FRMD4A: variants seen among roughly 807,000 people sequenced by gnomAD.
The protein encoded by FRMD4A is FERM domain-containing protein 4A.
FRMD4A carries 29 observed loss-of-function variants against 129.1 expected under a neutral mutation model. That is an observed-to-expected ratio of 0.22 (90% confidence interval 0.17 to 0.31). FRMD4A has a LOEUF of 0.31. Among genes scored for constraint, FRMD4A ranks in the 10% least tolerant of loss-of-function variants. The probability of loss-of-function intolerance (pLI) is 1.00; values close to 1 mark genes in which losing one functional copy is unlikely to be tolerated. For missense variants in FRMD4A, 1,272 were observed against 1,375.8 expected, an observed-to-expected ratio of 0.92 and a Z score of 1.19; for synonymous variants, 634 against 571.6, an observed-to-expected ratio of 1.11 and a Z score of -1.56.
At chr10:14,021,383 A>G (rs1832738928) in intron 2 of FRMD4A, among the ~76,000 whole-genome samples, 1 of 127,544 alleles carries the variant, frequency 7.8e-6, no homozygotes, top group Admixed American at 7.6e-5. Context: ...CTCCACAAAA[A>G]TAAAAAAAAA....
intron 4 of FRMD4A, among the ~76,000 whole-genome samples, chr10:13,808,246 C>T (rs2093389655): frequency 6.6e-6 from 1 of 152,148 alleles, no homozygotes; most frequent in Admixed American, 6.5e-5. Context: ...TGTGATACAC[C>T]ACAGGCTGTC....
intron 2 of FRMD4A, among the ~76,000 whole-genome samples, chr10:14,157,457 G>A (rs149968698): frequency 3.4e-3 from 520 of 152,310 alleles, no homozygotes; most frequent in Non-Finnish European, 5.3e-3. Context: ...CTTAGTGGCT[G>A]TTGAGCCTTC....
intron 2 of FRMD4A, among the ~76,000 whole-genome samples, chr10:14,053,088 C>T (rs962663277): frequency 2.0e-5 from 3 of 152,168 alleles, no homozygotes; most frequent in Admixed American, 1.3e-4. Flanking sequence ...CCTAAGTGCT[C>T]CCAGACTACG....
chr10:13,849,484 T>TC (rs202246182), intron 3 of FRMD4A, among the ~76,000 whole-genome samples: 4 of 37,202 alleles, frequency 1.1e-4, no homozygotes, highest in East Asian at 1.4e-3. Context: ...TCTCCTGCAT[T>TC]TTTTTTTTTT....
chr10:14,247,957 A>C (rs1258251402), intron 2 of FRMD4A, among the ~76,000 whole-genome samples: 2 of 152,214 alleles, frequency 1.3e-5, no homozygotes, highest in Non-Finnish European at 2.9e-5. Context: ...TACATGGCCA[A>C]ACCTCATCCT....
intron 2 of FRMD4A, among the ~76,000 whole-genome samples, chr10:14,186,053 G>A (rs1842135802): frequency 6.6e-6 from 1 of 151,606 alleles, no homozygotes; most frequent in Admixed American, 6.6e-5. Flanking sequence ...ACCTACCCCC[G>A]TAAAGGAGAC....
intron 2 of FRMD4A, among the ~76,000 whole-genome samples, chr10:14,188,588 C>T (rs1340489673): frequency 6.6e-6 from 1 of 152,160 alleles, no homozygotes; most frequent in Non-Finnish European, 1.5e-5. Flanking sequence ...ACTTAATAAG[C>T]CCTCAATAGA....
intron 2 of FRMD4A, among the ~76,000 whole-genome samples, chr10:14,065,922 T>G (rs1264950289): frequency 1.3e-5 from 2 of 152,102 alleles, no homozygotes; most frequent in Non-Finnish European, 1.5e-5. Flanking sequence ...CCCCCTGTTA[T>G]CCTTGCTGAC....
chr10:13,914,005 G>A (rs750004758), intron 2 of FRMD4A, among the ~76,000 whole-genome samples: 1 of 152,190 alleles, frequency 6.6e-6, no homozygotes. Context: ...AGGCTTGACT[G>A]CCTGTGGACC....
intron 12 of FRMD4A, among the ~76,000 whole-genome samples, chr10:13,726,551 C>T (rs2089908958): frequency 6.6e-6 from 1 of 152,226 alleles, no homozygotes; most frequent in Non-Finnish European, 1.5e-5. Flanking sequence ...CTCAAGTCAC[C>T]TTCAAGGCTT....
chr10:13,992,875 C>T (rs532741407), intron 2 of FRMD4A, among the ~76,000 whole-genome samples: 58 of 149,720 alleles, frequency 3.9e-4, no homozygotes, highest in African/African-American at 1.4e-3. Flanking sequence ...ATCGCTTGAC[C>T]CCCGGTGGCA....
At chr10:14,102,328 A>G (rs1588978511) in intron 2 of FRMD4A, among the ~76,000 whole-genome samples, 1 of 152,204 alleles carries the variant, frequency 6.6e-6, no homozygotes, top group Admixed American at 6.5e-5. Flanking sequence ...GGGCTTTGAA[A>G]CCAGCCTGGC....
chr10:13,654,285 TGAAAG>T (rs1462984525), intron 23 of FRMD4A, 126 bp downstream of exon 23: 9 of 716,764 alleles, frequency 1.3e-5, no homozygotes, highest in Admixed American at 1.0e-4. Flanking sequence ...GGGCTTCTCT[TGAAAG>T]GAAGACACCT....
At chr10:13,758,750 A>G (rs2091956049) in intron 8 of FRMD4A, among the ~76,000 whole-genome samples, 1 of 152,040 alleles carries the variant, frequency 6.6e-6, no homozygotes, top group Non-Finnish European at 1.5e-5. Context: ...CCATGTGCCT[A>G]TTTTTTCCTG....
chr10:14,279,134 C>A (rs1291052685), intron 2 of FRMD4A, among the ~76,000 whole-genome samples: 5 of 151,300 alleles, frequency 3.3e-5, no homozygotes, highest in African/African-American at 1.2e-4. Flanking sequence ...GGTGGATTCA[C>A]CTGAAACTTA....
At chr10:13,764,421 CCT>C (rs1167932106) in intron 6 of FRMD4A, among the ~76,000 whole-genome samples, 3 of 151,940 alleles carry the variant, frequency 2.0e-5, no homozygotes, top group Admixed American at 2.0e-4. Context: ...GGGAGGGTCC[CCT>C]GAGCCTGCGG....
chr10:13,689,538 ATT>A (rs1323299126), intron 15 of FRMD4A, among the ~76,000 whole-genome samples: 7 of 139,696 alleles, frequency 5.0e-5, no homozygotes, highest in African/African-American at 1.9e-4. Context: ...AGGAACATAG[ATT>A]AGAAGATTCT....
In FRMD4A at chr10:14,052,074, T is replaced by C. The variant is rs544808306; in HGVS notation, c.46-193162A>G. On this transcript the variant is annotated intron_variant, in intron 2 of 24. Coordinates refer to ENST00000357447, the MANE Select transcript of FRMD4A (RefSeq NM_018027.5). ...GACAGACACAGAGAGAAGAACACCA[T>C]GGGCCAATGGAAGCAGGGATGGCAG... 6.6e-5 allele frequency among the ~76,000 whole-genome samples: 10 copies of C among 152,144 alleles called. No homozygotes were observed. The East Asian group carries it at 1.6e-3, about 24-fold the overall frequency.
At chr10:13,650,759 T>C (rs1477039464) in intron 24 of FRMD4A, among the ~76,000 whole-genome samples, 1 of 152,202 alleles carries the variant, frequency 6.6e-6, no homozygotes, top group East Asian at 1.9e-4. Context: ...AACAAGACTC[T>C]CTACTGTTAA....
Sources: allele counts gnomAD v4.1 joint callset (sites outside exome capture counted in the v4.1 genomes callset), GRCh38; gene constraint gnomAD v4.1.1; transcripts MANE v1.5; gene names NCBI Gene and HGNC (gene_info 2026-07-23, HGNC 2026-07-21).